Variants in SH3RF3 observed in about 807,000 individuals in gnomAD.
SH3RF3 encodes the protein SH3 domain containing ring finger 3, also known as E3 ubiquitin-protein ligase SH3RF3.
SH3RF3 carries 29 observed loss-of-function variants against 66.3 expected under a neutral mutation model. That is an observed-to-expected ratio of 0.44 (90% CI 0.33 to 0.60). The LOEUF (loss-of-function observed/expected upper bound fraction) is 0.60, where lower values mean the gene tolerates loss of function less well. SH3RF3 is among the 20% of genes least tolerant of loss of function. SH3RF3 has a pLI of 0.04. For missense variants in SH3RF3, 1,194 were observed against 1,190.9 expected, an observed-to-expected ratio of 1.00 and a Z score of -0.04; for synonymous variants, 583 against 532.0, an observed-to-expected ratio of 1.10 and a Z score of -1.32.
rs1307426584 is a variant in SH3RF3 at position 109,493,029 on chromosome 2, TACAA to T, written c.2480+2097_2480+2100del. On this transcript the variant is annotated intron_variant, in intron 9 of 9. Coordinates refer to ENST00000309415, the MANE Select transcript of SH3RF3 (RefSeq NM_001099289.3). ...ACATACACTCACCACACATACACCA[TACAA>T]ACACATACCCCACATACATCATACA... Among the ~76,000 whole-genome samples the T allele has an allele frequency of 2.7e-4, 24 of 87,838 alleles. No homozygotes were observed. In the Admixed American group the frequency reaches 2.8e-3, roughly 10 times the overall value. The allele number at this position is 87,838 out of a possible 152,430, so 57.6% of individuals were successfully genotyped here.
At chr2:109,336,155 ATACT>A (rs1376426161) in intron 1 of SH3RF3, among the ~76,000 whole-genome samples, 5 of 152,184 alleles carry the variant, frequency 3.3e-5, no homozygotes, top group East Asian at 1.9e-4. Context: ...AAAGTCAAAA[ATACT>A]TACTACTCTG....
At chr2:109,413,698 C>T (rs1676652639) in intron 4 of SH3RF3, among the ~76,000 whole-genome samples, 2 of 152,188 alleles carry the variant, frequency 1.3e-5, no homozygotes, top group African/African-American at 2.4e-5. Context: ...CCCCACCAGC[C>T]CTCCACACAG....
Position 109,362,091 on chromosome 2 carries a change from A to C in SH3RF3, c.850-9495A>C, listed in dbSNP as rs899165451. 5.3e-5 allele frequency among the ~76,000 whole-genome samples: 8 copies of C among 151,086 alleles called. No individual in the cohort carries two copies. The East Asian group carries it at 9.7e-4, about 18-fold the overall frequency. ...TTCATTGATTTCTTCTATTTCTTTT[A>C]TTTTATTTATTATTTGCATTTAATT... On this transcript the variant is annotated intron_variant, in intron 2 of 9. Transcript: ENST00000309415.
chr2:109,195,588 C>G (rs1453628977), intron 1 of SH3RF3, among the ~76,000 whole-genome samples: 1 of 152,248 alleles, frequency 6.6e-6, no homozygotes, highest in African/African-American at 2.4e-5. Flanking sequence ...GCTTCCCTTG[C>G]TGGAGCTATT....
At chr2:109,269,780 A>G (rs1680583268) in intron 1 of SH3RF3, among the ~76,000 whole-genome samples, 1 of 152,202 alleles carries the variant, frequency 6.6e-6, no homozygotes, top group Non-Finnish European at 1.5e-5. Flanking sequence ...GGGAGGGGTG[A>G]GGGGAACTGA....
intron 1 of SH3RF3, among the ~76,000 whole-genome samples, chr2:109,212,883 A>G (rs1374226382): frequency 6.6e-6 from 1 of 152,022 alleles, no homozygotes; most frequent in East Asian, 1.9e-4. Context: ...GGTGGATCAG[A>G]CACAGTCTTG....
rs1558981632 is a variant in SH3RF3 at position 109,249,573 on chromosome 2, TTCCTTCC to T, written c.574-98099_574-98093del. Among the ~76,000 whole-genome samples, 133 of 137,420 alleles carry T rather than the reference TTCCTTCC, an allele frequency of 9.7e-4. 5 individuals are homozygous for T. Among genetic ancestry groups the T allele is most frequent in the African/African-American group, 3.7e-3 (126 of 33,992 alleles). The allele number at this position is 137,420 out of a possible 152,430, so 90.2% of individuals were successfully genotyped here. On this transcript the variant is annotated intron_variant, in intron 1 of 9. Coordinates refer to ENST00000309415, the MANE Select transcript of SH3RF3 (RefSeq NM_001099289.3). ...CTTCCTTCCTTCCTTCCTTCCTTCC[TTCCTTCC>T]TTCCTTTCCTTTCTTTCTTTTTCTT...
At chr2:109,329,329 A>C (rs1682230594) in intron 1 of SH3RF3, among the ~76,000 whole-genome samples, 1 of 152,218 alleles carries the variant, frequency 6.6e-6, no homozygotes, top group African/African-American at 2.4e-5. Flanking sequence ...CATGAGAGGA[A>C]AAGACTTTTG....
At chr2:109,270,093 A>G (rs1186287813) in intron 1 of SH3RF3, among the ~76,000 whole-genome samples, 1 of 152,208 alleles carries the variant, frequency 6.6e-6, no homozygotes, top group Non-Finnish European at 1.5e-5. Context: ...GGGCAGGGGC[A>G]CCAGTCCCTC....
intron 1 of SH3RF3, among the ~76,000 whole-genome samples, chr2:109,325,261 A>C (rs545960517): frequency 6.6e-6 from 1 of 152,016 alleles, no homozygotes; most frequent in East Asian, 1.9e-4. Flanking sequence ...AGAGTAAGCC[A>C]AGAAATCGTA....
At chr2:109,351,244 G>A (rs1682831619) in intron 2 of SH3RF3, among the ~76,000 whole-genome samples, 1 of 152,312 alleles carries the variant, frequency 6.6e-6, no homozygotes, top group Admixed American at 6.5e-5. Flanking sequence ...AGTCACCCGG[G>A]AGGGGCTGGC....
Position 109,129,677 on chromosome 2 carries a change from T to A in SH3RF3, c.137T>A (p.Met46Lys). 2 of 1,523,118 alleles carry A rather than the reference T, an allele frequency of 1.3e-6. No homozygotes were observed. Among genetic ancestry groups the A allele is most frequent in the Non-Finnish European group, 1.8e-6 (2 of 1,140,736 alleles). The allele number at this position is 1,523,118 out of a possible 1,614,324, so 94.4% of individuals were successfully genotyped here. Residue 46 changes from methionine (M) to lysine (K), a missense_variant, in exon 1 of 10, where the codon ATG becomes AAG. Coordinates refer to ENST00000309415, the MANE Select transcript of SH3RF3 (RefSeq NM_001099289.3). Reference sequence around the variant, plus strand: ...ACCGCCGCGGGGGCGGGCGAGGACATGGACGAGTCGTCGCTGCTGGACCTG... The same window carrying A: ...ACCGCCGCGGGGGCGGGCGAGGACAAGGACGAGTCGTCGCTGCTGGACCTG... ...AATAAGAGED[M>K]DESSLLDLLE...
rs79181951 is a variant in SH3RF3 at position 109,346,304 on chromosome 2, G to A, written c.574-1370G>A. Reference sequence around the variant, plus strand: ...CTCTTAACTGCTGTCGTTTGACGTTGCTGAAACATAAATGTAGAATGATTG... The same window carrying A: ...CTCTTAACTGCTGTCGTTTGACGTTACTGAAACATAAATGTAGAATGATTG... On this transcript the variant is annotated intron_variant, in intron 1 of 9. Transcript: ENST00000309415. Among the ~76,000 whole-genome samples, 43 of 152,272 alleles carry A rather than the reference G, an allele frequency of 2.8e-4. No homozygotes were observed. In the East Asian group the frequency reaches 7.1e-3, roughly 25 times the overall value.
In SH3RF3 at chr2:109,449,416, G is replaced by A. The variant is rs1677804497; in HGVS notation, c.2075G>A (p.Gly692Glu). The A allele has an allele frequency of 1.9e-6, 3 of 1,613,616 alleles. No individual in the cohort carries two copies. The highest frequency in any genetic ancestry group is 2.2e-5 in the South Asian group (2 of 91,030). ...AACCTCAACGGGGAGGCTGGAGGGG[G>A]GCCCATCGGTGTTCTGTCCACATCC... is the stretch of plus-strand genomic sequence containing the variant. ...AANLNGEAGG[G>E]PIGVLSTSSP... The change falls in exon 8 of 10, where the codon GGG (glycine) becomes GAG (glutamate). Residue 692 changes from glycine to glutamate, a missense_variant. Transcript: ENST00000309415.
At chr2:109,315,019 G>A (rs1302635923) in intron 1 of SH3RF3, among the ~76,000 whole-genome samples, 2 of 152,122 alleles carry the variant, frequency 1.3e-5, no homozygotes, top group African/African-American at 4.8e-5. Flanking sequence ...GGTAGCCACC[G>A]ACCACACTCA....
At chr2:109,326,826 G>A (rs1325112156) in intron 1 of SH3RF3, among the ~76,000 whole-genome samples, 1 of 152,234 alleles carries the variant, frequency 6.6e-6, no homozygotes, top group Non-Finnish European at 1.5e-5. Context: ...CCTGTCTCAT[G>A]GGAGAGTATC....
chr2:109,334,290 C>T (rs1682354545), intron 1 of SH3RF3, among the ~76,000 whole-genome samples: 1 of 144,776 alleles, frequency 6.9e-6, no homozygotes, highest in South Asian at 2.2e-4. Flanking sequence ...CCCAGGAAGT[C>T]AAGGCTTCAG....
chr2:109,431,411 C>G (rs1213248748), intron 5 of SH3RF3, among the ~76,000 whole-genome samples: 1 of 152,182 alleles, frequency 6.6e-6, no homozygotes, highest in African/African-American at 2.4e-5. Context: ...CAACCTTCCC[C>G]AAATCCCAAA....
chr2:109,479,493 G>A (rs190775939), intron 8 of SH3RF3, among the ~76,000 whole-genome samples: 84 of 152,214 alleles, frequency 5.5e-4, no homozygotes, highest in Non-Finnish European at 9.4e-4. Flanking sequence ...AATTAAGTGC[G>A]AAAATAAGTT....
Sources: allele counts gnomAD v4.1 joint callset (sites outside exome capture counted in the v4.1 genomes callset), GRCh38; gene constraint gnomAD v4.1.1; transcripts MANE v1.5; gene names NCBI Gene and HGNC (gene_info 2026-07-23, HGNC 2026-07-21).